Variants in ZC3H14 observed in about 807,000 individuals in gnomAD.
ZC3H14 encodes zinc finger CCCH-type containing 14, also known as zinc finger CCCH domain-containing protein 14.
A neutral mutation model predicts 92.4 loss-of-function variants in ZC3H14; 31 were observed. The observed-to-expected ratio is 0.34, with a 90% CI of 0.25 to 0.45. The LOEUF (loss-of-function observed/expected upper bound fraction) is 0.45. ZC3H14 is among the 20% of genes least tolerant of loss of function. ZC3H14 has a pLI of 1.00. For synonymous variants in ZC3H14, 321 were observed against 300.9 expected, an observed-to-expected ratio of 1.07 and a Z score of -0.69; for missense variants, 781 against 897.3, an observed-to-expected ratio of 0.87 and a Z score of 1.66.
At position 88,609,278 on chromosome 14, in the gene ZC3H14, A is replaced by G. The variant is rs1055309156; in HGVS notation, c.1880A>G (p.Asn627Ser). 8 of 1,613,830 alleles carry G rather than the reference A, an allele frequency of 5.0e-6. No homozygotes were observed. The highest frequency in any genetic ancestry group is 1.7e-5 in the Admixed American group (1 of 59,990). Residue 627 changes from asparagine to serine, a missense_variant, in exon 14 of 17, where the codon AAT (asparagine) becomes AGT (serine). Asn to Ser is a conservative substitution (Grantham distance 46). Coordinates refer to ENST00000251038, the MANE Select transcript of ZC3H14 (RefSeq NM_024824.5). ...TTTTTGTTTTGTAGAGCCTTCCCCA[A>G]TTGTAAATTTGCTGAAAAATGTTTG... ...HPISPCKAFP[N>S]CKFAEKCLFV...
chr14:88,621,339 C>T lies in ZC3H14; in HGVS notation c.*9588C>T. On this transcript the variant is annotated 3_prime_UTR_variant, in exon 17 of 17. Coordinates refer to ENST00000251038, the MANE Select transcript of ZC3H14 (RefSeq NM_024824.5). The stretch of plus-strand genomic sequence containing the variant: ...CAGGACCAATACAGTGAATGTAATA[C>T]AACAGCTGCTTTTCTTCTTCATAAT... 6.2e-7 allele frequency: 1 copy of T among 1,607,956 alleles called. No homozygotes were observed. The highest frequency in any genetic ancestry group is 8.5e-7 in the Non-Finnish European group (1 of 1,175,188).
At chr14:88,563,856 A>G (rs1339667481) in intron 2 of ZC3H14, among the ~76,000 whole-genome samples, 163 bp downstream of exon 2, 2 of 151,956 alleles carry the variant, frequency 1.3e-5, no homozygotes, top group Non-Finnish European at 2.9e-5. Flanking sequence ...ATCTTTTTGC[A>G]ACCTTGTTTT....
At chr14:88,567,201 C>T (rs1458845967) in intron 2 of ZC3H14, among the ~76,000 whole-genome samples, 1 of 151,084 alleles carries the variant, frequency 6.6e-6, no homozygotes, top group Non-Finnish European at 1.5e-5. Flanking sequence ...CTGCAAGCTC[C>T]GCCTCCTGGG....
Position 88,618,554 on chromosome 14 carries a change from G to A in ZC3H14, c.*6803G>A. The A allele has an allele frequency of 7.2e-7, 1 of 1,382,446 alleles. No individual in the cohort carries two copies. Among genetic ancestry groups the A allele is most frequent in the Non-Finnish European group, 9.7e-7 (1 of 1,025,694 alleles). 85.6% of individuals were successfully genotyped at this position (1,382,446 alleles called of 1,614,324 possible). A position where few individuals can be genotyped will look rare whatever the true frequency, so the allele number is the denominator to read the frequency against. ...GTACAAAGGGAGGAGTTGAGAAGCT[G>A]GAGCTCTGGAGCTCAGGAACTTTAA... On this transcript the variant is annotated 3_prime_UTR_variant, in exon 17 of 17. Coordinates refer to ENST00000251038, the MANE Select transcript of ZC3H14 (RefSeq NM_024824.5).
chr14:88,602,898 C>T lies in ZC3H14; in HGVS notation c.1585C>T (p.Pro529Ser). Residue 529 changes from proline to serine, a missense_variant, in exon 12 of 17, where the codon CCA becomes TCA. Pro to Ser is a moderately conservative substitution (Grantham distance 74, BLOSUM62 -1). This residue lies in a region of ZC3H14 where 221 missense variants were observed against 304.7 expected (regional missense o/e 0.73). Transcript: ENST00000251038. The stretch of plus-strand genomic sequence containing the variant: ...GACGCTGGATGGTGTCCCCAGCCCC[C>T]CAGGATACATGTCAGATCAAGAGGA... The part of the protein sequence containing the change: ...IVTLDGVPSP[P>S]GYMSDQEEDM... The T allele has an allele frequency of 3.7e-6, 6 of 1,614,138 alleles. No individual in the cohort carries two copies. The highest frequency in any genetic ancestry group is 4.2e-6 in the Non-Finnish European group (5 of 1,180,016).
intron 9 of ZC3H14, among the ~76,000 whole-genome samples, chr14:88,582,910 T>C (rs1390962083): frequency 3.3e-5 from 5 of 152,152 alleles, no homozygotes; most frequent in South Asian, 2.1e-4. Context: ...TTTTCTTCTT[T>C]TGTTTGAGCA....
chr14:88,611,778 A>G lies in ZC3H14; in HGVS notation c.*27A>G. 2.5e-6 allele frequency: 4 copies of G among 1,612,036 alleles called. No individual in the cohort carries two copies. Among genetic ancestry groups the G allele is most frequent in the South Asian group, 1.1e-5 (1 of 91,032 alleles). On this transcript the variant is annotated 3_prime_UTR_variant, in exon 17 of 17. Transcript: ENST00000251038. The stretch of plus-strand genomic sequence containing the variant: ...ACCCAGTCCTGCCTGGCAGAAGATC[A>G]TGCAGTTTGGAAGTTTTCATGTACT...
At position 88,626,127 on chromosome 14, in the gene ZC3H14, A is replaced by G. The variant is rs377399976; in HGVS notation, c.*14376A>G. The G allele has an allele frequency of 3.9e-5, 6 of 152,358 alleles. 1 individual carries two copies. The highest frequency in any genetic ancestry group is 1.4e-4 in the African/African-American group (6 of 41,578). The allele number at this position is 152,358 out of a possible 1,614,324, so 9.4% of individuals were successfully genotyped here. ...AGCTGTATGATAAGCAGTGTGTTAA[A>G]TGATAAAAAGCAAAGGAAATCCTAA... On this transcript the variant is annotated 3_prime_UTR_variant, in exon 17 of 17. Coordinates refer to ENST00000251038, the MANE Select transcript of ZC3H14 (RefSeq NM_024824.5).
intron 5 of ZC3H14, 102 bp downstream of exon 5, chr14:88,572,327 G>C (rs2080535855): frequency 4.4e-6 from 6 of 1,350,592 alleles, no homozygotes; most frequent in Non-Finnish European, 6.2e-6. Context: ...GCAATTTTTA[G>C]AAACAATGAA....
intron 2 of ZC3H14, among the ~76,000 whole-genome samples, chr14:88,564,856 G>A (rs1230721909): frequency 6.6e-6 from 1 of 152,148 alleles, no homozygotes; most frequent in African/African-American, 2.4e-5. Flanking sequence ...CGATTGTTCT[G>A]AGGAAAATCA....
In ZC3H14 at chr14:88,602,002, T is replaced by A; in HGVS notation, c.1433T>A (p.Val478Glu). 6.2e-7 allele frequency: 1 copy of A among 1,614,146 alleles called. No homozygotes were observed. ...ILKKPKLSEEVVVAPNQESGM... is the reference protein window; with the variant it reads ...ILKKPKLSEEEVVAPNQESGM... ...AAGAAGCCAAAGCTGTCTGAGGAAG[T>A]AGTAGTGGCACCAAACCAAGAGTCG... The change falls in exon 11 of 17, where the codon GTA (valine) becomes GAA (glutamate). Residue 478 changes from valine to glutamate, a missense_variant. Val to Glu is a moderately radical substitution (Grantham distance 121). Coordinates refer to ENST00000251038, the MANE Select transcript of ZC3H14 (RefSeq NM_024824.5).
In ZC3H14 at chr14:88,572,748, T is replaced by A. The variant is rs1180210147; in HGVS notation, c.602T>A (p.Val201Glu). 1 of 1,614,178 alleles carries A rather than the reference T, an allele frequency of 6.2e-7. No homozygotes were observed. The highest frequency in any genetic ancestry group is 8.5e-7 in the Non-Finnish European group (1 of 1,180,034). Residue 201 changes from valine to glutamate, a missense_variant, in exon 6 of 17, where the codon GTG (valine) becomes GAG (glutamate). Transcript: ENST00000251038. ...CCCTTATCTCAGAAAAAACCTACAGTGACACTTACATATGGTTCTTCTCGC... is the reference window on the plus strand; with the variant it reads ...CCCTTATCTCAGAAAAAACCTACAGAGACACTTACATATGGTTCTTCTCGC... ...ENPLSQKKPT[V>E]TLTYGSSRPS... is the part of the protein sequence containing the mutation.
rs75673533 is a variant in ZC3H14 at position 88,594,465 on chromosome 14, T to C, written c.1280-2269T>C. On this transcript the variant is annotated intron_variant, in intron 9 of 16. Transcript: ENST00000251038. ...ATGTAGGGCCCTACGTATTAGGGCTTCTTAGTTGTAGCGAAGAGCAATTGG... is the reference window on the plus strand; with the variant it reads ...ATGTAGGGCCCTACGTATTAGGGCTCCTTAGTTGTAGCGAAGAGCAATTGG... The C allele has an allele frequency of 1.9e-3, 2,463 of 1,299,492 alleles. 37 individuals are homozygous for C. In the African/African-American group the frequency reaches 0.033, roughly 18 times the overall value. The allele number at this position is 1,299,492 out of a possible 1,614,324, so 80.5% of individuals were successfully genotyped here.
chr14:88,573,520 A>G (rs2080755742), intron 6 of ZC3H14, among the ~76,000 whole-genome samples: 1 of 151,900 alleles, frequency 6.6e-6, no homozygotes, highest in Admixed American at 6.6e-5. Flanking sequence ...TGCAACCTCC[A>G]CCTCCTGGGT....
In ZC3H14 at chr14:88,616,300, CTTA is replaced by C; in HGVS notation, c.*4553_*4555del. Reference sequence around the variant, plus strand: ...TTGGTGCACACAGAAGTCAAAGGCTCTTATTAGGAACTATAATCTCTATGACAA... The same window carrying C: ...TTGGTGCACACAGAAGTCAAAGGCTCTTAGGAACTATAATCTCTATGACAA... On this transcript the variant is annotated 3_prime_UTR_variant, in exon 17 of 17. Coordinates refer to ENST00000251038, the MANE Select transcript of ZC3H14 (RefSeq NM_024824.5). 1 of 1,495,598 alleles carries C rather than the reference CTTA, an allele frequency of 6.7e-7. No homozygotes were observed. Among genetic ancestry groups the C allele is most frequent in the African/African-American group, 1.4e-5 (1 of 72,562 alleles). 92.6% of individuals were successfully genotyped at this position (1,495,598 alleles called of 1,614,324 possible). A position where few individuals can be genotyped will look rare whatever the true frequency, so the allele number is the denominator to read the frequency against.
rs1432276658 is a variant in ZC3H14 at position 88,563,483 on chromosome 14, C to CTGGAGT, written c.37-167_37-162dup. On this transcript the variant is annotated intron_variant, in intron 1 of 16. Transcript: ENST00000251038. ...GGGCGCCGCGGGGCTGGGGCTGGAG[C>CTGGAGT]TGGAGTGGGGTGCGGGGTGGGGGGC... 1.0e-3 allele frequency: 1,535 copies of CTGGAGT among 1,504,214 alleles called. 14 individuals carry two copies. In the African/African-American group the frequency reaches 0.02, roughly 19 times the overall value. The allele number at this position is 1,504,214 out of a possible 1,614,324, so 93.2% of individuals were successfully genotyped here. A position where few individuals can be genotyped will look rare whatever the true frequency, so the allele number is the denominator to read the frequency against.
At position 88,577,979 on chromosome 14, in the gene ZC3H14, T is replaced by G. The variant is rs755026719; in HGVS notation, c.1124-6T>G. 3 of 1,614,160 alleles carry G rather than the reference T, an allele frequency of 1.9e-6. No homozygotes were observed. The highest frequency in any genetic ancestry group is 1.7e-6 in the Non-Finnish European group (2 of 1,180,026). On this transcript the variant is annotated splice_polypyrimidine_tract_variant and splice_region_variant and intron_variant, in intron 8 of 16. Coordinates refer to ENST00000251038, the MANE Select transcript of ZC3H14 (RefSeq NM_024824.5). ...TATTTCTATCTTTTTTGCTTTTATG[T>G]GAAAGTTCCACAGAAACAGACACTT...
rs770542158 is a variant in ZC3H14 at position 88,618,720 on chromosome 14, A to G, written c.*6969A>G. On this transcript the variant is annotated 3_prime_UTR_variant, in exon 17 of 17. Transcript: ENST00000251038. ...GCTTGGAATGTCTTTGCAGTAGCTG[A>G]TTCTGTTAAGAGTGGGGCCCAGCGT... 1.2e-6 allele frequency: 2 copies of G among 1,610,816 alleles called. No individual in the cohort carries two copies. Among genetic ancestry groups the G allele is most frequent in the Non-Finnish European group, 1.7e-6 (2 of 1,178,390 alleles).
intron 9 of ZC3H14, among the ~76,000 whole-genome samples, chr14:88,580,613 A>G (rs531856336): frequency 6.6e-6 from 1 of 152,318 alleles, no homozygotes; most frequent in Admixed American, 6.5e-5. Context: ...CAGTGTTTTT[A>G]TAGTAGGAAT....
Sources: allele counts gnomAD v4.1 joint callset (sites outside exome capture counted in the v4.1 genomes callset), GRCh38; gene constraint gnomAD v4.1.1; regional missense constraint gnomAD v4.1.1; transcripts MANE v1.5; gene names NCBI Gene and HGNC (gene_info 2026-07-23, HGNC 2026-07-21).